Variants in USH2A observed in about 807,000 individuals in gnomAD.
USH2A encodes Usher syndrome 2A (autosomal recessive, mild).
A neutral mutation model predicts 538.9 loss-of-function variants in USH2A; 443 were observed. The observed-to-expected ratio is 0.82, with a 90% CI of 0.76 to 0.89. The LOEUF is 0.89. Among genes scored for constraint, USH2A ranks in the 40% least tolerant of loss-of-function variants. The probability of loss-of-function intolerance (pLI) is 0.00; values close to 1 mark genes in which losing one functional copy is unlikely to be tolerated. For synonymous variants in USH2A, 2,413 were observed against 2,273.5 expected (o/e 1.06, Z -1.75); for missense variants, 6,633 against 6,324.8 (o/e 1.05, Z -1.65).
rs781022362 is a variant in USH2A, at chr1:216,418,567, C to T, written c.598G>A (p.Val200Ile). The change falls in exon 3 of 72, where the codon GTA becomes ATA. Residue 200 changes from valine (V) to isoleucine (I), a missense_variant. Coordinates refer to ENST00000307340, the MANE Select transcript of USH2A (RefSeq NM_206933.4). Reference protein sequence around the residue: ...TVNGLQPPIKVMTLGRILVKK... With the variant: ...TVNGLQPPIKIMTLGRILVKK... ...ACAAGAATTCTCCCCAGTGTCATTA[C>T]TTTTATTGGAGGTTGCAAACCATTT... is the stretch of plus-strand genomic sequence containing the variant. 7 of 1,613,378 alleles carry T rather than the reference C, an allele frequency of 4.3e-6. No individual in the cohort carries two copies. Among genetic ancestry groups the T allele is most frequent in the Non-Finnish European group, 5.9e-6 (7 of 1,179,574 alleles).
At chr1:216,030,068 T>C (rs927875143) in intron 32 of USH2A, among the ~76,000 whole-genome samples, 7 of 146,486 alleles carry the variant, frequency 4.8e-5, no homozygotes, top group Non-Finnish European at 1.0e-4. Flanking sequence ...ATCACAGATA[T>C]ATAATATATG....
chr1:215,703,860 T>C (rs565693448), intron 61 of USH2A, among the ~76,000 whole-genome samples: 12 of 119,530 alleles, frequency 1.0e-4, no homozygotes, highest in Admixed American at 2.5e-4. Context: ...CACTGGGGTA[T>C]GGAAAAAAAA....
chr1:216,257,199 G>T (rs532664044), intron 11 of USH2A, among the ~76,000 whole-genome samples: 7 of 151,704 alleles, frequency 4.6e-5, no homozygotes, highest in African/African-American at 7.2e-5. Flanking sequence ...TCTTTTTAAT[G>T]TGTCTTATAG....
At chr1:215,668,858 C>T (rs1420055811) in intron 64 of USH2A, among the ~76,000 whole-genome samples, 2 of 152,198 alleles carry the variant, frequency 1.3e-5, no homozygotes, top group African/African-American at 2.4e-5. Flanking sequence ...TGGCAAAACC[C>T]TGTCTCTACT....
At chr1:215,877,287 T>C (rs1173989317) in intron 43 of USH2A, among the ~76,000 whole-genome samples, 2 of 152,220 alleles carry the variant, frequency 1.3e-5, no homozygotes, top group Non-Finnish European at 2.9e-5. Flanking sequence ...GAACTCTAGA[T>C]TGAATTCTTT....
chr1:216,138,518 T>A (rs2033531621), intron 21 of USH2A, among the ~76,000 whole-genome samples: 2 of 152,200 alleles, frequency 1.3e-5, no homozygotes, highest in African/African-American at 2.4e-5. Flanking sequence ...GAGAAGATCT[T>A]GCCACAGTGT....
intron 61 of USH2A, among the ~76,000 whole-genome samples, chr1:215,702,233 T>C (rs1659048313): frequency 6.6e-6 from 1 of 152,190 alleles, no homozygotes; most frequent in South Asian, 2.1e-4. Flanking sequence ...CCGACCTTTG[T>C]CTCTGGCTGC....
At chr1:216,181,131 C>A (rs1176220551) in intron 20 of USH2A, among the ~76,000 whole-genome samples, 1 of 152,080 alleles carries the variant, frequency 6.6e-6, no homozygotes, top group African/African-American at 2.4e-5. Flanking sequence ...GAGGATATTA[C>A]TAGAAGATCT....
At chr1:215,949,991 G>A (rs77143920) in intron 37 of USH2A, among the ~76,000 whole-genome samples, 4,884 of 152,160 alleles carry the variant, frequency 0.032, 123 homozygotes, top group South Asian at 0.084. Flanking sequence ...ATGCAAATTA[G>A]AGCAACCTAC....
At chr1:215,686,472 G>A (rs1285430240) in intron 61 of USH2A, among the ~76,000 whole-genome samples, 1 of 152,088 alleles carries the variant, frequency 6.6e-6, no homozygotes, top group Non-Finnish European at 1.5e-5. Context: ...CAAAGCAGAA[G>A]TGTGATGGTT....
intron 47 of USH2A, among the ~76,000 whole-genome samples, chr1:215,834,005 C>T (rs1018894023): frequency 8.6e-5 from 13 of 152,034 alleles, no homozygotes; most frequent in Non-Finnish European, 1.8e-4. Flanking sequence ...CATAATAACA[C>T]ACCACAAACA....
At chr1:215,729,181 T>C (rs1659919684) in intron 60 of USH2A, among the ~76,000 whole-genome samples, 1 of 152,192 alleles carries the variant, frequency 6.6e-6, no homozygotes, top group Non-Finnish European at 1.5e-5. Flanking sequence ...ATAAAATTAC[T>C]GTGTGAAAAA....
intron 13 of USH2A, among the ~76,000 whole-genome samples, chr1:216,242,574 T>A (rs1466052337): frequency 6.6e-6 from 1 of 152,002 alleles, no homozygotes; most frequent in Non-Finnish European, 1.5e-5. Flanking sequence ...TAGTTTTAGA[T>A]AATAATATAA....
In USH2A at chr1:216,247,178, A is replaced by C. The variant is rs1305876668; in HGVS notation, c.2216T>G (p.Phe739Cys). Residue 739 changes from phenylalanine (F) to cysteine (C), a missense_variant, in exon 13 of 72, where the codon TTT becomes TGT. Coordinates refer to ENST00000307340, the MANE Select transcript of USH2A (RefSeq NM_206933.4). ...GCAGGGCTCACATCCAACATCATTAAAGCTTCGGAGAAATTTAAATCCAAA... is the reference window on the plus strand; with the variant it reads ...GCAGGGCTCACATCCAACATCATTACAGCTTCGGAGAAATTTAAATCCAAA... ...CNFGFKFLRSFNDVGCEPCQC... is the reference protein window; with the variant it reads ...CNFGFKFLRSCNDVGCEPCQC... 1.2e-6 allele frequency: 2 copies of C among 1,614,112 alleles called. No homozygotes were observed. Among genetic ancestry groups the C allele is most frequent in the Non-Finnish European group, 1.7e-6 (2 of 1,179,946 alleles).
intron 38 of USH2A, among the ~76,000 whole-genome samples, chr1:215,934,350 G>C (rs1666437914): frequency 6.6e-6 from 1 of 151,922 alleles, no homozygotes; most frequent in Non-Finnish European, 1.5e-5. Context: ...ATATATATGT[G>C]TGTGTGTGTA....
At chr1:215,630,115 T>C in intron 70 of USH2A, 1 of 517,300 alleles carries the variant, frequency 1.9e-6, no homozygotes, top group Non-Finnish European at 3.9e-6. Flanking sequence ...TCATCAATGA[T>C]CTGTTCCTGC....
chr1:216,394,471 A>T (rs2102750891), intron 3 of USH2A, among the ~76,000 whole-genome samples: 1 of 152,272 alleles, frequency 6.6e-6, no homozygotes, highest in Admixed American at 6.5e-5. Flanking sequence ...AACAGTATAC[A>T]TCCACAAAAA....
intron 25 of USH2A, 128 bp from the exon 26 acceptor site, chr1:216,083,714 T>A (rs2102559932): frequency 2.1e-6 from 2 of 940,196 alleles, no homozygotes; most frequent in Middle Eastern, 2.6e-4. Context: ...TGCAAATCAA[T>A]GTTAAGAAAT....
At chr1:215,635,639 T>C (rs1392818054) in intron 69 of USH2A, among the ~76,000 whole-genome samples, 1 of 151,998 alleles carries the variant, frequency 6.6e-6, no homozygotes, top group Non-Finnish European at 1.5e-5. Flanking sequence ...CACTGCAACC[T>C]CTGCCTCTTG....
Sources: gnomAD v4.1 joint callset for allele counts (sites outside exome capture counted in the v4.1 genomes callset) on GRCh38, gnomAD v4.1.1 for gene constraint, MANE v1.5 for transcripts, NCBI Gene and HGNC (gene_info 2026-07-23, HGNC 2026-07-21) for gene names.